Variants in OR7C1 observed in about 807,000 individuals in gnomAD.
OR7C1 encodes olfactory receptor 7C1.
For synonymous variants in OR7C1, 152 were observed against 160.7 expected (o/e 0.95, Z 0.41); for missense variants, 324 against 383.3 (o/e 0.85, Z 1.29).
chr19:14,822,846 A>ATT (rs879410548), intron 1 of OR7C1, among the ~76,000 whole-genome samples: 1 of 137,320 alleles, frequency 7.3e-6, no homozygotes, highest in African/African-American at 2.7e-5. Context: ...TCCTCTGCCT[A>ATT]TTTTTTTTTT....
At chr19:14,827,531 T>C in intron 1 of OR7C1, 1 of 1,614,028 alleles carries the variant, frequency 6.2e-7, no homozygotes, top group Non-Finnish European at 8.5e-7. Context: ...AGGTGGAAAA[T>C]GCCTTGTACT....
rs148530264 is a variant in OR7C1 at position 14,830,728 on chromosome 19, G to A, written c.-623+4346C>T. 2.0e-5 allele frequency among the ~76,000 whole-genome samples: 3 copies of A among 152,282 alleles called. No homozygotes were observed. The East Asian group carries it at 5.8e-4, about 29-fold the overall frequency. On this transcript the variant is annotated intron_variant, in intron 1 of 4. Transcript: ENST00000641666. ...AAGTTATCCAAAAGACAAGACTGTG[G>A]AGTCCTAATTAGGGAAATGGAGTCA...
At chr19:14,815,070 C>T (rs186460891) in intron 1 of OR7C1, among the ~76,000 whole-genome samples, 1 of 152,186 alleles carries the variant, frequency 6.6e-6, no homozygotes, top group Non-Finnish European at 1.5e-5. Flanking sequence ...GCTCTGGACT[C>T]AGGGTAAGCA....
intron 1 of OR7C1, chr19:14,828,407 A>G (rs1268221214): frequency 1.3e-6 from 1 of 751,008 alleles, no homozygotes; most frequent in Non-Finnish European, 2.1e-6. Context: ...GTCATCTCTG[A>G]TTAGGAACTC....
intron 1 of OR7C1, among the ~76,000 whole-genome samples, chr19:14,820,644 G>A (rs1161594723): frequency 1.3e-5 from 2 of 152,148 alleles, no homozygotes; most frequent in African/African-American, 4.8e-5. Context: ...GAAAGCAGGT[G>A]AAATCCCTGC....
intron 1 of OR7C1, chr19:14,826,091 G>A (rs926852038): frequency 1.2e-4 from 18 of 152,222 alleles, no homozygotes; most frequent in African/African-American, 4.1e-4. Flanking sequence ...TGAGATGTAT[G>A]TTTTTTGCAG....
chr19:14,832,288 T>C (rs1441061228), intron 1 of OR7C1, among the ~76,000 whole-genome samples: 1 of 152,158 alleles, frequency 6.6e-6, no homozygotes, highest in Non-Finnish European at 1.5e-5. Flanking sequence ...GCACCTTTAT[T>C]TAATTCTACT....
rs2044740451 is a variant in OR7C1 at position 14,821,388 on chromosome 19, C to A, written c.-622-11395G>T. 2 of 152,184 alleles carry A rather than the reference C, an allele frequency of 1.3e-5. 1 individual carries two copies. Among genetic ancestry groups the A allele is most frequent in the South Asian group, 4.1e-4 (2 of 4,824 alleles). The allele number at this position is 152,184 out of a possible 1,614,324, so 9.4% of individuals were successfully genotyped here. On this transcript the variant is annotated intron_variant, in intron 1 of 4. Transcript: ENST00000641666. ...CTGCTCAGGGTATGGGCCCTGGAGT[C>A]CGGAGATAATGTCAGTTCTACGCTG...
intron 1 of OR7C1, among the ~76,000 whole-genome samples, chr19:14,829,436 C>T (rs1217815411): frequency 6.6e-6 from 1 of 152,234 alleles, no homozygotes; most frequent in African/African-American, 2.4e-5. Context: ...CTCCCAACCT[C>T]AGGTGATCCG....
intron 2 of OR7C1, among the ~76,000 whole-genome samples, chr19:14,806,235 A>C (rs2147647875): frequency 6.6e-6 from 1 of 152,028 alleles, no homozygotes; most frequent in African/African-American, 2.4e-5. Flanking sequence ...ACATTAAGGA[A>C]CATTTCAAGA....
At chr19:14,829,193 G>A (rs2044806489) in intron 1 of OR7C1, among the ~76,000 whole-genome samples, 1 of 152,094 alleles carries the variant, frequency 6.6e-6, no homozygotes, top group Non-Finnish European at 1.5e-5. Context: ...AAAACTTTGA[G>A]GGATGTGCTT....
At chr19:14,823,675 C>G (rs1311284017) in intron 1 of OR7C1, among the ~76,000 whole-genome samples, 1 of 152,116 alleles carries the variant, frequency 6.6e-6, no homozygotes, top group Non-Finnish European at 1.5e-5. Flanking sequence ...ATTTATGTGT[C>G]CACATTATTT....
rs2044635036 is a variant in OR7C1, at chr19:14,800,255, C to G, written c.-14+1G>C. On this transcript the variant is annotated splice_donor_variant, in intron 4 of 4. Coordinates refer to ENST00000641666, the Ensembl canonical transcript of OR7C1. LOFTEE classifies it low-confidence loss of function (5UTR_SPLICE). ...GAAGGAATCAATTAACAAAAGATTG[C>G]CTTTTTCTTGCTGTCTTTTTCTGGG... The G allele has an allele frequency of 1.7e-6, 2 of 1,192,238 alleles. No homozygotes were observed. Among genetic ancestry groups the G allele is most frequent in the South Asian group, 3.2e-5 (2 of 63,044 alleles). The allele number at this position is 1,192,238 out of a possible 1,614,324, so 73.9% of individuals were successfully genotyped here. A position where few individuals can be genotyped will look rare whatever the true frequency, so the allele number is the denominator to read the frequency against.
intron 1 of OR7C1, among the ~76,000 whole-genome samples, chr19:14,821,910 T>C (rs1284674292): frequency 6.6e-6 from 1 of 152,240 alleles, no homozygotes; most frequent in African/African-American, 2.4e-5. Context: ...TTTCTACTTC[T>C]ATGAGTTCAT....
intron 1 of OR7C1, chr19:14,824,395 G>A (rs1032369772): frequency 1.4e-4 from 21 of 152,236 alleles, no homozygotes; most frequent in African/African-American, 4.8e-4. Flanking sequence ...CACTATAGTA[G>A]TCTCCAGTGT....
At chr19:14,829,096 G>A (rs1341423757) in intron 1 of OR7C1, among the ~76,000 whole-genome samples, 1 of 152,188 alleles carries the variant, frequency 6.6e-6, no homozygotes, top group Non-Finnish European at 1.5e-5. Flanking sequence ...ACAAGGTGAT[G>A]TTTGAAAAAA....
chr19:14,800,210 G>A, intron 4 of OR7C1, 46 bp downstream of exon 4: 3 of 1,450,512 alleles, frequency 2.1e-6, no homozygotes, highest in Middle Eastern at 2.2e-4. Flanking sequence ...ATGGAAATTT[G>A]GTTACATTTA....
chr19:14,816,974 G>A (rs188435736), intron 1 of OR7C1, among the ~76,000 whole-genome samples: 136 of 152,244 alleles, frequency 8.9e-4, no homozygotes, highest in Non-Finnish European at 1.6e-3. Context: ...ACACTTACGG[G>A]TTAGTAAGTT....
chr19:14,820,109 C>A (rs913587359), intron 1 of OR7C1, among the ~76,000 whole-genome samples: 7 of 152,086 alleles, frequency 4.6e-5, no homozygotes, highest in African/African-American at 1.7e-4. Flanking sequence ...CAGGGTTTTA[C>A]CATGGCAGTC....
Sources: gnomAD v4.1 joint callset for allele counts (sites outside exome capture counted in the v4.1 genomes callset) on GRCh38, gnomAD v4.1.1 for gene constraint, MANE v1.5 for transcripts, NCBI Gene and HGNC (gene_info 2026-07-23, HGNC 2026-07-21) for gene names.